The following MSRA variants were observed in gnomAD, a reference collection of about 807,000 sequenced individuals.
The protein encoded by MSRA is methionine sulfoxide reductase A, also known as mitochondrial peptide methionine sulfoxide reductase.
In MSRA, 54 loss-of-function variants were observed where a neutral mutation model predicts 31.3. The observed-to-expected ratio is 1.73, with a 90% CI of 1.39 to 2.17. MSRA has a LOEUF of 2.17. MSRA is among the 30% of genes most tolerant of loss of function. The pLI, the probability that MSRA is intolerant of heterozygous loss-of-function variation, is 0.00. For missense variants in MSRA, 507 were observed against 300.9 expected (o/e 1.69, Z -5.07); for synonymous variants, 169 against 116.5 (o/e 1.45, Z -2.90).
At chr8:10,366,041 A>C (rs568249115) in intron 5 of MSRA, among the ~76,000 whole-genome samples, 1 of 152,320 alleles carries the variant, frequency 6.6e-6, no homozygotes, top group African/African-American at 2.4e-5. Flanking sequence ...ATAGGCAGGA[A>C]GTGATGTCCA....
rs1809373564 is a variant in MSRA at position 10,428,853 on chromosome 8, T to C, written c.*541T>C. ...ATGCTTTGCTTAGAGCTATGAGAAATGTTTGTTTTAATAAAAACCTACAGT... is the reference window on the plus strand; with the variant it reads ...ATGCTTTGCTTAGAGCTATGAGAAACGTTTGTTTTAATAAAAACCTACAGT... On this transcript the variant is annotated 3_prime_UTR_variant, in exon 6 of 6. Transcript: ENST00000317173. The C allele has an allele frequency of 1.3e-5, 2 of 152,942 alleles. No homozygotes were observed. Among genetic ancestry groups the C allele is most frequent in the African/African-American group, 4.8e-5 (2 of 41,468 alleles). The allele number at this position is 152,942 out of a possible 1,614,324, so 9.5% of individuals were successfully genotyped here. A position where few individuals can be genotyped will look rare whatever the true frequency, so the allele number is the denominator to read the frequency against.
At chr8:10,353,691 T>A (rs1043194390) in intron 5 of MSRA, 1 of 455,404 alleles carries the variant, frequency 2.2e-6, no homozygotes, top group Non-Finnish European at 4.4e-6. Context: ...ATAGGGACTC[T>A]CCTTGTCTGT....
intron 4 of MSRA, among the ~76,000 whole-genome samples, chr8:10,310,657 G>A (rs1481856127): frequency 6.6e-6 from 1 of 152,186 alleles, no homozygotes; most frequent in East Asian, 1.9e-4. Context: ...GACCCATTTT[G>A]TAGAGGAACA....
chr8:10,112,663 C>G lies in MSRA; in HGVS notation c.142+58005C>G, dbSNP rs1415891684. Reference sequence around the variant, plus strand: ...CTTGTAAAACTTATATTAGGGAAGACATTCAATTAAATATGCAACTCTAAT... The same window carrying G: ...CTTGTAAAACTTATATTAGGGAAGAGATTCAATTAAATATGCAACTCTAAT... On this transcript the variant is annotated intron_variant, in intron 1 of 5. Coordinates refer to ENST00000317173, the MANE Select transcript of MSRA (RefSeq NM_012331.5). Among the ~76,000 whole-genome samples the G allele has an allele frequency of 2.0e-5, 3 of 152,196 alleles. No homozygotes were observed. In the East Asian group the frequency reaches 5.8e-4, roughly 29 times the overall value.
intron 3 of MSRA, among the ~76,000 whole-genome samples, chr8:10,253,281 T>C (rs1361739986): frequency 6.6e-6 from 1 of 152,224 alleles, no homozygotes; most frequent in Admixed American, 6.5e-5. Context: ...ATGGACTCTC[T>C]AAAGACTATT....
intron 1 of MSRA, among the ~76,000 whole-genome samples, chr8:10,061,942 G>T (rs748406827): frequency 1.3e-5 from 2 of 152,206 alleles, no homozygotes; most frequent in Non-Finnish European, 2.9e-5. Flanking sequence ...TGCAGTCCAC[G>T]TGGGGCCTTG....
chr8:10,294,914 C>A (rs1204695490), intron 3 of MSRA, among the ~76,000 whole-genome samples: 3 of 152,074 alleles, frequency 2.0e-5, no homozygotes, highest in African/African-American at 7.2e-5. Context: ...TTGTGGGCCT[C>A]ATTTCTGTGT....
intron 3 of MSRA, among the ~76,000 whole-genome samples, chr8:10,277,619 C>G (rs556298095): frequency 3.9e-5 from 6 of 152,226 alleles, no homozygotes; most frequent in East Asian, 1.9e-4. Context: ...ATATTTGGGT[C>G]AAATCAGATT....
chr8:10,206,908 C>T (rs950170919), intron 1 of MSRA, among the ~76,000 whole-genome samples: 1 of 152,202 alleles, frequency 6.6e-6, no homozygotes, highest in Non-Finnish European at 1.5e-5. Flanking sequence ...CCCTAGACCC[C>T]TCCAAGCGTG....
At chr8:10,318,195 C>T (rs1801836063) in intron 4 of MSRA, among the ~76,000 whole-genome samples, 1 of 152,186 alleles carries the variant, frequency 6.6e-6, no homozygotes, top group Admixed American at 6.5e-5. Context: ...GTTTAAATCG[C>T]AGGATGGCCA....
intron 3 of MSRA, among the ~76,000 whole-genome samples, chr8:10,257,643 G>A (rs932234152): frequency 1.3e-5 from 2 of 152,072 alleles, no homozygotes; most frequent in Non-Finnish European, 2.9e-5. Flanking sequence ...CCTGATCCCA[G>A]GTGATTCATT....
Position 10,320,279 on chromosome 8 carries a change from G to T in MSRA, c.543+290G>T, listed in dbSNP as rs768945617. ...GGCCAGGAGTTCGAGACCAGCCTGG[G>T]CAACATGAAGAAACCCCATCTCTAC... On this transcript the variant is annotated intron_variant, in intron 5 of 5. Coordinates refer to ENST00000317173, the MANE Select transcript of MSRA (RefSeq NM_012331.5). The T allele has an allele frequency of 5.2e-5, 11 of 210,350 alleles. No individual in the cohort carries two copies. The East Asian group carries it at 1.1e-3, about 21-fold the overall frequency. The allele number at this position is 210,350 out of a possible 1,614,324, so 13.0% of individuals were successfully genotyped here.
chr8:10,252,165 A>G (rs1162064133), intron 3 of MSRA, among the ~76,000 whole-genome samples: 2 of 152,202 alleles, frequency 1.3e-5, no homozygotes, highest in Non-Finnish European at 2.9e-5. Context: ...GAGTAAGGGA[A>G]CTGAGGCTGA....
chr8:10,174,399 C>G (rs1457990661), intron 1 of MSRA, among the ~76,000 whole-genome samples: 1 of 152,062 alleles, frequency 6.6e-6, no homozygotes, highest in Non-Finnish European at 1.5e-5. Flanking sequence ...TTCCCGGGAG[C>G]AAGTCTATGT....
At chr8:10,273,300 C>A (rs1043159073) in intron 3 of MSRA, among the ~76,000 whole-genome samples, 1 of 152,162 alleles carries the variant, frequency 6.6e-6, no homozygotes, top group African/African-American at 2.4e-5. Context: ...TTACCTGCTC[C>A]TTCTAGTAGC....
At chr8:10,147,416 C>G (rs151019374) in intron 1 of MSRA, among the ~76,000 whole-genome samples, 43 of 152,314 alleles carry the variant, frequency 2.8e-4, no homozygotes, top group Middle Eastern at 3.4e-3. Context: ...GTAGGCCTCA[C>G]CACCTCTGTC....
intron 1 of MSRA, among the ~76,000 whole-genome samples, chr8:10,115,273 C>G (rs1417470607): frequency 6.6e-6 from 1 of 152,154 alleles, no homozygotes; most frequent in African/African-American, 2.4e-5. Flanking sequence ...AGAAGAGTAA[C>G]TGCGGTCATG....
At chr8:10,259,740 A>G (rs892024590) in intron 3 of MSRA, among the ~76,000 whole-genome samples, 3 of 152,192 alleles carry the variant, frequency 2.0e-5, no homozygotes, top group Admixed American at 2.0e-4. Context: ...CGTGTGGGGG[A>G]GAGATTCAGG....
At chr8:10,058,594 G>C (rs1457903516) in intron 1 of MSRA, among the ~76,000 whole-genome samples, 1 of 152,144 alleles carries the variant, frequency 6.6e-6, no homozygotes, top group Admixed American at 6.5e-5. Context: ...TTAAAGAGCA[G>C]ATAATTCCAG....
Sources: gnomAD v4.1 joint callset for allele counts (sites outside exome capture counted in the v4.1 genomes callset) on GRCh38, gnomAD v4.1.1 for gene constraint, MANE v1.5 for transcripts, NCBI Gene and HGNC (gene_info 2026-07-23, HGNC 2026-07-21) for gene names.